Variants in PTK2B observed in about 807,000 individuals in gnomAD.
PTK2B encodes protein tyrosine kinase 2 beta.
In PTK2B, 71 loss-of-function variants were observed where a neutral mutation model predicts 142.9. The ratio of observed to expected loss-of-function variants is 0.50; its 90% CI spans 0.41 to 0.61. The LOEUF (loss-of-function observed/expected upper bound fraction) is 0.61. Ranked by LOEUF, PTK2B falls within the 20% of genes least tolerant of loss-of-function variation. The probability of loss-of-function intolerance (pLI) is 0.00; values close to 1 mark genes in which losing one functional copy is unlikely to be tolerated. For missense variants in PTK2B, 1,105 were observed against 1,320.4 expected, an observed-to-expected ratio of 0.84 and a Z score of 2.53; for synonymous variants, 519 against 503.4, an observed-to-expected ratio of 1.03 and a Z score of -0.42.
upstream of PTK2B, among the ~76,000 whole-genome samples, chr8:27,324,834 T>TTCCTAGGGATAGGGAAGAAGTGTTGC: frequency 1.3e-5 from 2 of 152,322 alleles, no homozygotes; most frequent in South Asian, 4.1e-4. Flanking sequence ...GTCTGGAGTT[T>TTCCTAGGGATAGGGAAGAAGTGTTGC]TCCTAGGGAT....
At chr8:27,405,186 A>G (rs567640078) in intron 2 of PTK2B, among the ~76,000 whole-genome samples, 1 of 152,268 alleles carries the variant, frequency 6.6e-6, no homozygotes, top group Non-Finnish European at 1.5e-5. Context: ...GTTTAGAAAT[A>G]AATGCTTCTT....
chr8:27,386,440 G>C lies in PTK2B; in HGVS notation c.-37-11108G>C, dbSNP rs137884950. 6.8e-4 allele frequency among the ~76,000 whole-genome samples: 104 copies of C among 152,242 alleles called. 3 individuals carry two copies. In the East Asian group the frequency reaches 0.019, roughly 29 times the overall value. On this transcript the variant is annotated intron_variant, in intron 1 of 30. Coordinates refer to ENST00000346049, the MANE Select transcript of PTK2B (RefSeq NM_173176.3). ...GTTCATTTCAAGTCCATGAACATAA[G>C]TTTTTCTTTTTTTTCCCTAGGTAAC...
At chr8:27,391,342 C>G (rs1168856224) in intron 1 of PTK2B, among the ~76,000 whole-genome samples, 1 of 152,076 alleles carries the variant, frequency 6.6e-6, no homozygotes, top group Non-Finnish European at 1.5e-5. Context: ...AGTGATCTGC[C>G]CACCTCAGCC....
chr8:27,419,750 C>G, intron 2 of PTK2B, 145 bp from the exon 3 acceptor site: 1 of 832,856 alleles, frequency 1.2e-6, no homozygotes, highest in East Asian at 2.7e-5. Context: ...TACAAATCTT[C>G]CCCTAAATGC....
rs1253668137 is a variant in PTK2B, at chr8:27,419,887, C to T, written c.205-8C>T. The stretch of plus-strand genomic sequence containing the variant: ...CCCTGAGTCATGCCTCTCTCTTCTC[C>T]TCTGCAGGAGATCATCACCTCCATC... On this transcript the variant is annotated splice_polypyrimidine_tract_variant and splice_region_variant and intron_variant, in intron 2 of 30. Transcript: ENST00000346049. 7.4e-6 allele frequency: 12 copies of T among 1,613,906 alleles called. No individual in the cohort carries two copies. The highest frequency in any genetic ancestry group is 1.0e-5 in the Non-Finnish European group (12 of 1,179,970).
At chr8:27,415,274 G>C (rs148355584) in intron 2 of PTK2B, among the ~76,000 whole-genome samples, 1,797 of 152,222 alleles carry the variant, frequency 0.012, 38 homozygotes, top group African/African-American at 0.041. Context: ...GGGTGGATGG[G>C]GCACTGCTGC....
chr8:27,424,293 A>G (rs1563274559), intron 5 of PTK2B, among the ~76,000 whole-genome samples: 2 of 152,258 alleles, frequency 1.3e-5, no homozygotes, highest in Non-Finnish European at 2.9e-5. Flanking sequence ...ATCATCCCCA[A>G]ACTATTACTG....
chr8:27,313,942 C>A (rs1372269381), intron 3 of PTK2B, among the ~76,000 whole-genome samples: 1 of 152,164 alleles, frequency 6.6e-6, no homozygotes, highest in Non-Finnish European at 1.5e-5. Context: ...CCAAATTATC[C>A]ATTTTAGAAA....
At chr8:27,322,067 G>C (rs1347310669), upstream of PTK2B, among the ~76,000 whole-genome samples, 2 of 151,676 alleles carry the variant, frequency 1.3e-5, no homozygotes, top group East Asian at 3.9e-4. Flanking sequence ...ATAGCTCACT[G>C]TAACCTCTGC....
At chr8:27,431,732 G>A (rs945378012) in intron 9 of PTK2B, among the ~76,000 whole-genome samples, 1 of 152,220 alleles carries the variant, frequency 6.6e-6, no homozygotes, top group African/African-American at 2.4e-5. Flanking sequence ...ATGATTACTC[G>A]CAGAGCTCAG....
intron 1 of PTK2B, among the ~76,000 whole-genome samples, chr8:27,391,228 C>T (rs1360468324): frequency 6.6e-6 from 1 of 152,064 alleles, no homozygotes; most frequent in East Asian, 1.9e-4. Flanking sequence ...TCCCGAGTAG[C>T]TGGGATTACA....
intron 1 of PTK2B, among the ~76,000 whole-genome samples, chr8:27,368,866 G>A (rs908523898): frequency 1.3e-5 from 2 of 152,264 alleles, no homozygotes; most frequent in East Asian, 3.9e-4. Flanking sequence ...ACCCTGGAAA[G>A]AAGAACTAGG....
intron 1 of PTK2B, among the ~76,000 whole-genome samples, chr8:27,387,513 A>T (rs770351239): frequency 7.9e-5 from 12 of 151,746 alleles, no homozygotes; most frequent in Non-Finnish European, 7.4e-5. Context: ...CCCATGACTC[A>T]CTCTCTCTTT....
chr8:27,358,611 A>G (rs2130710710), intron 1 of PTK2B, among the ~76,000 whole-genome samples: 1 of 152,218 alleles, frequency 6.6e-6, no homozygotes, highest in East Asian at 1.9e-4. Context: ...AATTAAGTCT[A>G]AGTGTCTTTG....
rs148241002 is a variant in PTK2B, at chr8:27,397,262, G to A, written c.-37-286G>A. Among the ~76,000 whole-genome samples, 824 of 152,322 alleles carry A rather than the reference G, an allele frequency of 5.4e-3. 4 individuals are homozygous for A. Among genetic ancestry groups the A allele is most frequent in the African/African-American group, 0.019 (772 of 41,572 alleles). Reference sequence around the variant, plus strand: ...GTGGGCCCCTTGCCTGGGTGCCAGGGTGGAGGGAGGAATGGGTCAGAGAGA... The same window carrying A: ...GTGGGCCCCTTGCCTGGGTGCCAGGATGGAGGGAGGAATGGGTCAGAGAGA... On this transcript the variant is annotated intron_variant, in intron 1 of 30. Coordinates refer to ENST00000346049, the MANE Select transcript of PTK2B (RefSeq NM_173176.3).
At chr8:27,436,401 GAC>G in intron 15 of PTK2B, 53 bp downstream of exon 15, 2 of 1,534,676 alleles carry the variant, frequency 1.3e-6, no homozygotes, top group Non-Finnish European at 1.8e-6. Context: ...TGTAGGGTGA[GAC>G]AGAGCTCGAA....
At chr8:27,326,344 G>T (rs1452653993) in intron 1 of PTK2B, among the ~76,000 whole-genome samples, 2 of 152,100 alleles carry the variant, frequency 1.3e-5, no homozygotes, top group Non-Finnish European at 2.9e-5. Flanking sequence ...GCCTCTGCCT[G>T]CTGTCAGGCT....
chr8:27,433,311 T>C (rs1354310352), intron 10 of PTK2B, 124 bp from the exon 11 acceptor site: 3 of 789,778 alleles, frequency 3.8e-6, no homozygotes, highest in African/African-American at 3.4e-5. Context: ...CCAGGAGAGG[T>C]GCAGACAGCA....
intron 1 of PTK2B, among the ~76,000 whole-genome samples, chr8:27,330,841 G>A (rs1803703890): frequency 6.6e-6 from 1 of 152,192 alleles, no homozygotes; most frequent in African/African-American, 2.4e-5. Context: ...CTGCAGGGGT[G>A]GACGCTGCTC....
Sources: gnomAD v4.1 joint callset for allele counts (sites outside exome capture counted in the v4.1 genomes callset) on GRCh38, gnomAD v4.1.1 for gene constraint, MANE v1.5 for transcripts, NCBI Gene and HGNC (gene_info 2026-07-23, HGNC 2026-07-21) for gene names.